Variants in SNAPC1 observed in about 807,000 individuals in gnomAD.
SNAPC1 encodes the protein small nuclear RNA activating complex polypeptide 1.
A neutral mutation model predicts 50.1 loss-of-function variants in SNAPC1; 42 were observed. The observed-to-expected ratio is 0.84, with a 90% CI of 0.65 to 1.08. The LOEUF is 1.08. SNAPC1 is among the 50% of genes least tolerant of loss of function. The pLI is 0.00. For missense variants in SNAPC1, 477 were observed against 427.3 expected, an observed-to-expected ratio of 1.12 and a Z score of -1.02; for synonymous variants, 164 against 144.2, an observed-to-expected ratio of 1.14 and a Z score of -0.98.
At chr14:61,782,685 G>A (rs999474222) in intron 8 of SNAPC1, among the ~76,000 whole-genome samples, 3 of 152,076 alleles carry the variant, frequency 2.0e-5, no homozygotes, top group South Asian at 2.1e-4. Flanking sequence ...CTAGGTGGGC[G>A]GATCACTTGA....
chr14:61,778,325 GATA>G (rs1320624951), intron 6 of SNAPC1, among the ~76,000 whole-genome samples, 185 bp downstream of exon 6: 6 of 152,310 alleles, frequency 3.9e-5, no homozygotes, highest in East Asian at 1.9e-4. Context: ...GAGAGAGGAT[GATA>G]ATAATTTTCC....
At chr14:61,772,972 C>T (rs764391913) in intron 4 of SNAPC1, among the ~76,000 whole-genome samples, 8 of 152,192 alleles carry the variant, frequency 5.3e-5, no homozygotes, top group Non-Finnish European at 1.2e-4. Context: ...TCCCTTGATA[C>T]TTCTGCTGGC....
At chr14:61,783,690 C>T (rs1227467408) in intron 8 of SNAPC1, among the ~76,000 whole-genome samples, 1 of 151,858 alleles carries the variant, frequency 6.6e-6, no homozygotes. Flanking sequence ...CGCCCACCAC[C>T]ATGCCTGGGT....
intron 1 of SNAPC1, among the ~76,000 whole-genome samples, chr14:61,764,639 T>C (rs970805507): frequency 6.6e-6 from 1 of 152,224 alleles, no homozygotes; most frequent in African/African-American, 2.4e-5. Context: ...TCTGCCTGTT[T>C]CTAAAATCCG....
chr14:61,773,895 A>G (rs528821549), intron 4 of SNAPC1, among the ~76,000 whole-genome samples: 2 of 144,468 alleles, frequency 1.4e-5, no homozygotes, highest in East Asian at 4.2e-4. Context: ...TTTTAGTAGA[A>G]ATGGGGTTTC....
intron 7 of SNAPC1, among the ~76,000 whole-genome samples, chr14:61,779,553 ATGTT>A (rs1373789750): frequency 6.6e-6 from 1 of 151,462 alleles, no homozygotes; most frequent in Non-Finnish European, 1.5e-5. Flanking sequence ...TGTTCTCTGA[ATGTT>A]TGTTTTATTT....
chr14:61,763,465 A>C (rs988443858), intron 1 of SNAPC1, among the ~76,000 whole-genome samples: 18 of 133,706 alleles, frequency 1.3e-4, no homozygotes, highest in African/African-American at 3.9e-4. Flanking sequence ...CCATGCACTC[A>C]CTTTCTTGCT....
intron 7 of SNAPC1, among the ~76,000 whole-genome samples, chr14:61,781,827 C>G (rs1439501895): frequency 6.6e-6 from 1 of 152,220 alleles, no homozygotes; most frequent in Non-Finnish European, 1.5e-5. Context: ...ACAAATTACC[C>G]TGGCCATGGG....
At chr14:61,762,964 C>A (rs72714597) in intron 1 of SNAPC1, among the ~76,000 whole-genome samples, 22,125 of 147,270 alleles carry the variant, frequency 0.15, 1,998 homozygotes, top group African/African-American at 0.25. Flanking sequence ...AATTTTTCCT[C>A]CAACAACCAA....
In SNAPC1 at chr14:61,769,599, G is replaced by A. The variant is rs898200596; in HGVS notation, c.534+859G>A. Among the ~76,000 whole-genome samples, 3 of 151,774 alleles carry A rather than the reference G, an allele frequency of 2.0e-5. No individual in the cohort carries two copies. The South Asian group carries it at 6.2e-4, about 31-fold the overall frequency. On this transcript the variant is annotated intron_variant, in intron 4 of 9. Coordinates refer to ENST00000216294, the MANE Select transcript of SNAPC1 (RefSeq NM_003082.4). ...TTTTTGGTAGAAACAGGGTTTTGCCGTGTTAGCCAGGATGGTCTCGATCTC... is the reference window on the plus strand; with the variant it reads ...TTTTTGGTAGAAACAGGGTTTTGCCATGTTAGCCAGGATGGTCTCGATCTC...
intron 4 of SNAPC1, among the ~76,000 whole-genome samples, chr14:61,771,153 C>T (rs1394228855): frequency 2.0e-5 from 3 of 152,170 alleles, no homozygotes; most frequent in Admixed American, 2.0e-4. Context: ...CTGAATATTC[C>T]TCAATATCTG....
At chr14:61,783,886 A>G (rs1231721215) in intron 8 of SNAPC1, among the ~76,000 whole-genome samples, 2 of 152,204 alleles carry the variant, frequency 1.3e-5, no homozygotes, top group Non-Finnish European at 2.9e-5. Context: ...TGCACCCTAC[A>G]TAAATTTGGA....
At chr14:61,791,186 ATTT>A (rs2045150015) in intron 8 of SNAPC1, among the ~76,000 whole-genome samples, 1 of 151,622 alleles carries the variant, frequency 6.6e-6, no homozygotes, top group Non-Finnish European at 1.5e-5. Flanking sequence ...TAATTTTTGT[ATTT>A]TTAGTAGAAG....
chr14:61,770,125 G>A (rs1211436692), intron 4 of SNAPC1, among the ~76,000 whole-genome samples: 4 of 151,742 alleles, frequency 2.6e-5, no homozygotes, highest in African/African-American at 4.8e-5. Flanking sequence ...CTTAATAAAT[G>A]TTAATTCCCT....
intron 8 of SNAPC1, among the ~76,000 whole-genome samples, chr14:61,792,332 A>G (rs1358397031): frequency 6.6e-6 from 1 of 152,208 alleles, no homozygotes; most frequent in Non-Finnish European, 1.5e-5. Context: ...TTGAAAATGG[A>G]AAGTCAATCG....
Position 61,793,052 on chromosome 14 carries a change from A to T in SNAPC1, c.1072+150A>T, listed in dbSNP as rs922612159. 8 of 499,240 alleles carry T rather than the reference A, an allele frequency of 1.6e-5. No individual in the cohort carries two copies. The East Asian group carries it at 2.8e-4, about 18-fold the overall frequency. The allele number at this position is 499,240 out of a possible 1,614,324, so 30.9% of individuals were successfully genotyped here. On this transcript the variant is annotated intron_variant, in intron 9 of 9. Coordinates refer to ENST00000216294, the MANE Select transcript of SNAPC1 (RefSeq NM_003082.4). The stretch of plus-strand genomic sequence containing the variant: ...CCATTGGAGAATTTCAGTATTAGTC[A>T]TATCATTAATGACATCTCAAAGTCA...
intron 8 of SNAPC1, among the ~76,000 whole-genome samples, chr14:61,784,593 G>C (rs1166985334): frequency 5.9e-5 from 9 of 152,198 alleles, no homozygotes; most frequent in Non-Finnish European, 1.3e-4. Flanking sequence ...TAATGTGAAA[G>C]TAGCTATAGA....
chr14:61,787,691 A>G (rs1036348316), intron 8 of SNAPC1, among the ~76,000 whole-genome samples: 3 of 152,224 alleles, frequency 2.0e-5, no homozygotes, highest in Non-Finnish European at 4.4e-5. Context: ...GCCAAGTCTC[A>G]GCTATTGTTA....
intron 7 of SNAPC1, among the ~76,000 whole-genome samples, chr14:61,779,836 G>A (rs2045059496): frequency 6.6e-6 from 1 of 151,532 alleles, no homozygotes; most frequent in Non-Finnish European, 1.5e-5. Context: ...AGCCTCTCGA[G>A]TAGCTGGGAT....
Sources: allele counts gnomAD v4.1 joint callset (sites outside exome capture counted in the v4.1 genomes callset), GRCh38; gene constraint gnomAD v4.1.1; transcripts MANE v1.5; gene names NCBI Gene and HGNC (gene_info 2026-07-23, HGNC 2026-07-21).